The following OSBPL3 variants were observed in gnomAD, a reference collection of about 807,000 sequenced individuals.
The protein encoded by OSBPL3 is oxysterol binding protein like 3.
OSBPL3 carries 65 observed loss-of-function variants against 120.1 expected under a neutral mutation model. The ratio of observed to expected loss-of-function variants is 0.54; its 90% confidence interval spans 0.44 to 0.67. The LOEUF is 0.67. Ranked by LOEUF, OSBPL3 falls within the 30% of genes least tolerant of loss-of-function variation. The pLI, the probability that OSBPL3 is intolerant of heterozygous loss-of-function variation, is 0.00. For synonymous variants in OSBPL3, 416 were observed against 402.6 expected (o/e 1.03, Z -0.40); for missense variants, 1,004 against 1,082.1 (o/e 0.93, Z 1.01).
rs1799702996 is a variant in OSBPL3, at chr7:24,855,311, C to T, written c.1028-2677G>A. On this transcript the variant is annotated intron_variant, in intron 10 of 22. Coordinates refer to ENST00000313367, the MANE Select transcript of OSBPL3 (RefSeq NM_015550.4). The surrounding 1 kb of genome is among the most constrained non-coding windows in gnomAD (Gnocchi z 4.3). ...TGGCACTCAGCTAGCCGCCACTTTC[C>T]AAATCAATTCCTCTGGCTTCCAGGT... is the stretch of plus-strand genomic sequence containing the variant. Among the ~76,000 whole-genome samples, 1 of 152,164 alleles carries T rather than the reference C, an allele frequency of 6.6e-6. No individual in the cohort carries two copies. The highest frequency in any genetic ancestry group is 2.4e-5 in the African/African-American group (1 of 41,424).
Position 24,834,497 on chromosome 7 carries a change from G to A in OSBPL3, c.1735C>T (p.Leu579=). ...LDKAAQIPSP[L]ERMVYVAAFA... ...GGCTGACTCCTCACCATCCTTTCCA[G>A]GGGGCTGGGAATCTGCGCGGCCTTG... The change falls in exon 15 of 23, where the codon CTG becomes TTG. Residue 579 remains leucine (L), a synonymous_variant. Transcript: ENST00000313367. This position sits in a 1 kb window ranked among gnomAD's most constrained non-coding sequence, Gnocchi z 5.2. The A allele has an allele frequency of 6.2e-7, 1 of 1,610,218 alleles. No individual in the cohort carries two copies. Among genetic ancestry groups the A allele is most frequent in the African/African-American group, 1.3e-5 (1 of 75,028 alleles).
rs1019059949 is a variant in OSBPL3, at chr7:24,932,575, A to C, written c.-149-39954T>G. On this transcript the variant is annotated intron_variant, in intron 1 of 22. Coordinates refer to ENST00000313367, the MANE Select transcript of OSBPL3 (RefSeq NM_015550.4). The surrounding 1 kb of genome is among the most constrained non-coding windows in gnomAD (Gnocchi z 5.6). ...GAATGGGACTAGTGCCCTTTTAAAG[A>C]TTCCCCACAGAGCTGCCTTGTCCCT... 1.3e-5 allele frequency among the ~76,000 whole-genome samples: 2 copies of C among 152,074 alleles called. No homozygotes were observed. Among genetic ancestry groups the C allele is most frequent in the African/African-American group, 4.8e-5 (2 of 41,398 alleles).
upstream of OSBPL3, among the ~76,000 whole-genome samples, chr7:24,981,203 G>A: frequency 6.6e-6 from 1 of 152,108 alleles, no homozygotes; most frequent in East Asian, 1.9e-4. This position sits in a 1 kb window ranked among gnomAD's most constrained non-coding sequence, Gnocchi z 7.3. Context: ...CTGAGAGGAG[G>A]GCCAAGTCCA....
Position 24,849,313 on chromosome 7 carries a change from CT to C in OSBPL3, c.1159-138del. 5.1e-6 allele frequency: 3 copies of C among 587,174 alleles called. No individual in the cohort carries two copies. Among genetic ancestry groups the C allele is most frequent in the East Asian group, 6.2e-5 (2 of 32,016 alleles). 36.4% of individuals were successfully genotyped at this position (587,174 alleles called of 1,614,324 possible). Reference sequence around the variant, plus strand: ...GTGGTCTGACAGCGCACTTTCTGGACTTTTTCCTTGAATGCTCTCCAAGAGG... The same window carrying C: ...GTGGTCTGACAGCGCACTTTCTGGACTTTTCCTTGAATGCTCTCCAAGAGG... On this transcript the variant is annotated intron_variant, in intron 11 of 22. Coordinates refer to ENST00000313367, the MANE Select transcript of OSBPL3 (RefSeq NM_015550.4). This position sits in a 1 kb window ranked among gnomAD's most constrained non-coding sequence, Gnocchi z 5.4.
intron 1 of OSBPL3, among the ~76,000 whole-genome samples, chr7:24,915,210 T>C (rs748724003): frequency 6.6e-6 from 1 of 152,146 alleles, no homozygotes. Flanking sequence ...TGTTAATCTG[T>C]CAAAGAAAGA....
chr7:24,850,953 C>A (rs971664469), intron 11 of OSBPL3, among the ~76,000 whole-genome samples: 4 of 152,112 alleles, frequency 2.6e-5, no homozygotes, highest in African/African-American at 9.7e-5. Flanking sequence ...TTTCCAAAAT[C>A]GTGAATATGG....
At chr7:24,865,030 T>C (rs1035491628) in intron 7 of OSBPL3, among the ~76,000 whole-genome samples, 2 of 152,178 alleles carry the variant, frequency 1.3e-5, no homozygotes, top group Non-Finnish European at 2.9e-5. Context: ...ATTCTCAATC[T>C]TTCTTGGATG....
Position 24,918,132 on chromosome 7 carries a change from A to G in OSBPL3, c.-149-25511T>C, listed in dbSNP as rs1809941578. On this transcript the variant is annotated intron_variant, in intron 1 of 22. Coordinates refer to ENST00000313367, the MANE Select transcript of OSBPL3 (RefSeq NM_015550.4). This position sits in a 1 kb window ranked among gnomAD's most constrained non-coding sequence, Gnocchi z 4.3. ...GTGTATCAGGCTCACAGCAGCCAGT[A>G]ATGACACCTGGATACTCTTTGTTTA... 1 of 919,374 alleles carries G rather than the reference A, an allele frequency of 1.1e-6. No individual in the cohort carries two copies. Among genetic ancestry groups the G allele is most frequent in the African/African-American group, 1.8e-5 (1 of 55,828 alleles). 57.0% of individuals were successfully genotyped at this position (919,374 alleles called of 1,614,324 possible).
At chr7:24,843,905 C>T (rs188444264) in intron 12 of OSBPL3, among the ~76,000 whole-genome samples, 16 of 152,302 alleles carry the variant, frequency 1.1e-4, no homozygotes, top group Admixed American at 9.8e-4. Context: ...CTGTGTCTTC[C>T]GTGTGCTCCT....
chr7:24,916,919 C>CCA lies in OSBPL3; in HGVS notation c.-149-24299_-149-24298insTG, dbSNP rs1554404707. ...GCCACTAAGACGTCTTCCATTTCCA[C>CCA]CCCCCCCAACCTTTTTAGAAAATTA... On this transcript the variant is annotated intron_variant, in intron 1 of 22. Coordinates refer to ENST00000313367, the MANE Select transcript of OSBPL3 (RefSeq NM_015550.4). This position sits in a 1 kb window ranked among gnomAD's most constrained non-coding sequence, Gnocchi z 4.9. Among the ~76,000 whole-genome samples the CCA allele has an allele frequency of 2.9e-5, 1 of 34,916 alleles. No homozygotes were observed. Among genetic ancestry groups the CCA allele is most frequent in the Non-Finnish European group, 4.8e-5 (1 of 21,040 alleles). 22.9% of individuals were successfully genotyped at this position (34,916 alleles called of 152,430 possible). A position where few individuals can be genotyped will look rare whatever the true frequency, so the allele number is the denominator to read the frequency against.
chr7:24,950,550 G>A (rs183075457), intron 1 of OSBPL3, among the ~76,000 whole-genome samples: 9 of 151,562 alleles, frequency 5.9e-5, no homozygotes, highest in East Asian at 3.9e-4. Flanking sequence ...GTGAAACCCC[G>A]TCTCTACTAA....
chr7:24,960,037 A>G (rs895568157), intron 1 of OSBPL3, among the ~76,000 whole-genome samples: 5 of 152,202 alleles, frequency 3.3e-5, no homozygotes, highest in African/African-American at 1.2e-4. Flanking sequence ...CAAAATAGCT[A>G]TTACTCTTAA....
Position 24,834,551 on chromosome 7 carries a change from C to T in OSBPL3, c.1681G>A (p.Glu561Lys), listed in dbSNP as rs548851733. The T allele has an allele frequency of 6.8e-6, 11 of 1,614,168 alleles. No individual in the cohort carries two copies. Among genetic ancestry groups the T allele is most frequent in the Admixed American group, 1.7e-5 (1 of 60,020 alleles). Residue 561 changes from glutamate (E) to lysine (K), a missense_variant, in exon 15 of 23, where the codon GAG becomes AAG. This residue lies in a region of OSBPL3 where 473 missense variants were observed against 568.0 expected (regional missense o/e 0.83). Transcript: ENST00000313367. This position sits in a 1 kb window ranked among gnomAD's most constrained non-coding sequence, Gnocchi z 5.2. The part of the protein sequence containing the change: ...EPLNTLQRLC[E>K]ELEYSELLDK... Reference sequence around the variant, plus strand: ...AGGAGCTCGCTGTACTCCAGCTCCTCGCAGAGCCTCTGCAGCGTGTTCAGG... The same window carrying T: ...AGGAGCTCGCTGTACTCCAGCTCCTTGCAGAGCCTCTGCAGCGTGTTCAGG...
In OSBPL3 at chr7:24,834,672, G is replaced by A. The variant is rs1391522801; in HGVS notation, c.1560C>T (p.Cys520=). 6.2e-7 allele frequency: 1 copy of A among 1,613,960 alleles called. No individual in the cohort carries two copies. The highest frequency in any genetic ancestry group is 1.7e-5 in the Admixed American group (1 of 60,004). The part of the protein sequence containing the change: ...SRRRTCLPAP[C]PSSSNISLWN... Reference sequence around the variant, plus strand: ...ACAGGCTGATGTTACTGCTGCTCGGGCAGGGCGCCGGCAGGCACGTTCTTC... The same window carrying A: ...ACAGGCTGATGTTACTGCTGCTCGGACAGGGCGCCGGCAGGCACGTTCTTC... Residue 520 remains cysteine (C), a synonymous_variant, in exon 15 of 23, where the codon TGC becomes TGT. Coordinates refer to ENST00000313367, the MANE Select transcript of OSBPL3 (RefSeq NM_015550.4). This position sits in a 1 kb window ranked among gnomAD's most constrained non-coding sequence, Gnocchi z 5.2.
Position 24,936,600 on chromosome 7 carries a change from C to T in OSBPL3, c.-150+43286G>A, listed in dbSNP as rs896711697. On this transcript the variant is annotated intron_variant, in intron 1 of 22. Coordinates refer to ENST00000313367, the MANE Select transcript of OSBPL3 (RefSeq NM_015550.4). The surrounding 1 kb of genome is among the most constrained non-coding windows in gnomAD (Gnocchi z 4.2). ...TGGGCCTTGAAACCTCCTATTTGGG[C>T]TTCTGCCAGGTGGCAAAGAGAAAAT... 5.9e-5 allele frequency among the ~76,000 whole-genome samples: 9 copies of T among 152,176 alleles called. No individual in the cohort carries two copies. Among genetic ancestry groups the T allele is most frequent in the Non-Finnish European group, 1.3e-4 (9 of 68,024 alleles).
At position 24,879,395 on chromosome 7, in the gene OSBPL3, G is replaced by A. The variant is rs139641270; in HGVS notation, c.97-7326C>T. The stretch of plus-strand genomic sequence containing the variant: ...TAAATGGGAGTAGCAGTCATCACCC[G>A]CCACCGTCACCATCCCTTCTTTCCC... On this transcript the variant is annotated intron_variant, in intron 2 of 22. Transcript: ENST00000313367. The surrounding 1 kb of genome is among the most constrained non-coding windows in gnomAD (Gnocchi z 5.6). Among the ~76,000 whole-genome samples the A allele has an allele frequency of 3.0e-3, 451 of 152,226 alleles. 4 individuals carry two copies. Among genetic ancestry groups the A allele is most frequent in the Middle Eastern group, 0.017 (5 of 294 alleles).
rs1455944843 is a variant in OSBPL3 at position 24,799,838 on chromosome 7, T to C, written c.*345A>G. Reference sequence around the variant, plus strand: ...TTGATTTTTTTTCTACAACATAATTTTATAAGGCATAAATTTAATTGGAAT... The same window carrying C: ...TTGATTTTTTTTCTACAACATAATTCTATAAGGCATAAATTTAATTGGAAT... On this transcript the variant is annotated 3_prime_UTR_variant, in exon 23 of 23. Transcript: ENST00000313367. The surrounding 1 kb of genome is among the most constrained non-coding windows in gnomAD (Gnocchi z 5.3). The C allele has an allele frequency of 6.5e-6, 1 of 153,768 alleles. No homozygotes were observed. Among genetic ancestry groups the C allele is most frequent in the Admixed American group, 6.5e-5 (1 of 15,326 alleles). The allele number at this position is 153,768 out of a possible 1,614,324, so 9.5% of individuals were successfully genotyped here.
Position 24,824,019 on chromosome 7 carries a change from G to A in OSBPL3, c.1885-3781C>T, listed in dbSNP as rs1269960698. On this transcript the variant is annotated intron_variant, in intron 16 of 22. Coordinates refer to ENST00000313367, the MANE Select transcript of OSBPL3 (RefSeq NM_015550.4). This position sits in a 1 kb window ranked among gnomAD's most constrained non-coding sequence, Gnocchi z 4.9. ...TGTCTGAATTGACCCAGCCCTGGAA[G>A]GAGATGCTGTCTGTTAGCCTGTTGA... 1.3e-5 allele frequency among the ~76,000 whole-genome samples: 2 copies of A among 152,206 alleles called. No individual in the cohort carries two copies. The highest frequency in any genetic ancestry group is 2.4e-5 in the African/African-American group (1 of 41,462).
Position 24,894,961 on chromosome 7 carries a change from C to T in OSBPL3, c.-149-2340G>A, listed in dbSNP as rs893498192. Among the ~76,000 whole-genome samples the T allele has an allele frequency of 2.0e-5, 3 of 152,098 alleles. No homozygotes were observed. The highest frequency in any genetic ancestry group is 4.4e-5 in the Non-Finnish European group (3 of 68,012). On this transcript the variant is annotated intron_variant, in intron 1 of 22. Transcript: ENST00000313367. This position sits in a 1 kb window ranked among gnomAD's most constrained non-coding sequence, Gnocchi z 4.1. ...GAGCCAAGGGCTCTGCCAGCATGAC[C>T]CCCTGGTGACCCCTACCCCTGTCTC... is the stretch of plus-strand genomic sequence containing the variant.
Sources: gnomAD v4.1 joint callset for allele counts (sites outside exome capture counted in the v4.1 genomes callset) on GRCh38, gnomAD v4.1.1 for gene constraint, gnomAD v4.1.1 regional missense constraint, Gnocchi (gnomAD v3.1) non-coding constraint, MANE v1.5 for transcripts, NCBI Gene and HGNC (gene_info 2026-07-23, HGNC 2026-07-21) for gene names.